The following NRXN3 variants were observed in gnomAD, a reference collection of about 807,000 sequenced individuals.
NRXN3 encodes the protein neurexin III.
A neutral mutation model predicts 137.6 loss-of-function variants in NRXN3; 32 were observed. The ratio of observed to expected loss-of-function variants is 0.23; its 90% CI spans 0.18 to 0.31. The LOEUF (loss-of-function observed/expected upper bound fraction) is 0.31, where lower values mean the gene tolerates loss of function less well. Among genes scored for constraint, NRXN3 ranks in the 10% least tolerant of loss-of-function variants. NRXN3 has a pLI of 1.00. For missense variants in NRXN3, 1,574 were observed against 2,062.5 expected, an observed-to-expected ratio of 0.76 and a Z score of 4.59; for synonymous variants, 798 against 784.5, an observed-to-expected ratio of 1.02 and a Z score of -0.29.
At chr14:79,173,462 T>G (rs1455283595) in intron 15 of NRXN3, among the ~76,000 whole-genome samples, 6 of 132,728 alleles carry the variant, frequency 4.5e-5, no homozygotes, top group Non-Finnish European at 9.2e-5. Flanking sequence ...AGCCAGGAGG[T>G]AAAGGCTACA....
At chr14:78,543,821 C>A (rs1391354095) in intron 4 of NRXN3, among the ~76,000 whole-genome samples, 3 of 152,056 alleles carry the variant, frequency 2.0e-5, no homozygotes, top group Non-Finnish European at 4.4e-5. Flanking sequence ...GTCTTGAGTG[C>A]AGGTAGCCTC....
At chr14:79,681,845 G>A (rs1446810608) in intron 17 of NRXN3, among the ~76,000 whole-genome samples, 4 of 151,870 alleles carry the variant, frequency 2.6e-5, no homozygotes, top group African/African-American at 7.3e-5. Context: ...CCCTGATTCA[G>A]GTCTCAAGCT....
intron 16 of NRXN3, among the ~76,000 whole-genome samples, chr14:79,572,385 T>C (rs984036480): frequency 2.0e-5 from 3 of 152,210 alleles, no homozygotes; most frequent in Non-Finnish European, 4.4e-5. Context: ...TCTTCAGAAC[T>C]ATAAATTACA....
chr14:79,743,777 A>G (rs1438595605), intron 19 of NRXN3, among the ~76,000 whole-genome samples: 3 of 152,168 alleles, frequency 2.0e-5, no homozygotes, highest in African/African-American at 7.2e-5. Flanking sequence ...GAGTCAAGAA[A>G]ATGATGCTAA....
chr14:79,366,980 C>CTTTTTT lies in NRXN3; in HGVS notation c.3263-100226_3263-100221dup, dbSNP rs71131695. On this transcript the variant is annotated intron_variant, in intron 15 of 20. Transcript: ENST00000335750. ...AGAATTAAAAACTCAGTCCCTTAGT[C>CTTTTTT]TTTTTTTTTTTTTTTTTTTTGGAGA... Among the ~76,000 whole-genome samples the CTTTTTT allele has an allele frequency of 3.5e-5, 4 of 113,204 alleles. 1 individual carries two copies. The highest frequency in any genetic ancestry group is 1.0e-4 in the Admixed American group (1 of 9,570). The allele number at this position is 113,204 out of a possible 152,430, so 74.3% of individuals were successfully genotyped here.
chr14:79,063,470 G>T (rs1381957142), intron 15 of NRXN3, among the ~76,000 whole-genome samples: 4 of 152,054 alleles, frequency 2.6e-5, no homozygotes, highest in African/African-American at 9.7e-5. Flanking sequence ...TTTTAGTAGA[G>T]ATGAGGTTTC....
intron 15 of NRXN3, among the ~76,000 whole-genome samples, chr14:79,234,881 A>T (rs1275105445): frequency 6.6e-6 from 1 of 152,136 alleles, no homozygotes; most frequent in Non-Finnish European, 1.5e-5. Context: ...ATACTACACT[A>T]GGAAAAAAAA....
At chr14:79,162,848 C>G (rs1405444820) in intron 15 of NRXN3, among the ~76,000 whole-genome samples, 3 of 151,866 alleles carry the variant, frequency 2.0e-5, no homozygotes, top group Admixed American at 6.6e-5. Context: ...CATTTCCTCC[C>G]CTTTCCATCA....
At chr14:78,179,103 G>A (rs919014324) in intron 1 of NRXN3, among the ~76,000 whole-genome samples, 3 of 152,098 alleles carry the variant, frequency 2.0e-5, no homozygotes, top group Non-Finnish European at 4.4e-5. Flanking sequence ...TGGTGGAGGC[G>A]GGATGTTCAG....
intron 8 of NRXN3, among the ~76,000 whole-genome samples, chr14:78,794,539 A>G (rs930635589): frequency 1.3e-5 from 2 of 152,074 alleles, no homozygotes; most frequent in African/African-American, 2.4e-5. Context: ...ACTTTGTGTA[A>G]TATTAAAGTT....
chr14:79,567,618 A>T (rs751861594), intron 16 of NRXN3, among the ~76,000 whole-genome samples: 13 of 152,122 alleles, frequency 8.5e-5, no homozygotes, highest in Non-Finnish European at 1.6e-4. Flanking sequence ...TGACTGTTGG[A>T]ACATCTGCTG....
chr14:78,912,357 C>G (rs910264471), intron 10 of NRXN3, among the ~76,000 whole-genome samples: 1 of 150,970 alleles, frequency 6.6e-6, no homozygotes, highest in Admixed American at 6.6e-5. Flanking sequence ...AATAGAGAAG[C>G]AATCAGTTCT....
chr14:78,212,943 G>T (rs1278708661), intron 1 of NRXN3, among the ~76,000 whole-genome samples: 1 of 152,150 alleles, frequency 6.6e-6, no homozygotes, highest in Non-Finnish European at 1.5e-5. Flanking sequence ...TGGTTTGGGG[G>T]TCTCCAGGGC....
intron 10 of NRXN3, among the ~76,000 whole-genome samples, chr14:78,946,067 C>A (rs1361707150): frequency 6.6e-6 from 1 of 152,144 alleles, no homozygotes; most frequent in Non-Finnish European, 1.5e-5. Context: ...CAAATATTGT[C>A]AAAAATAATG....
intron 4 of NRXN3, among the ~76,000 whole-genome samples, chr14:78,562,868 C>A (rs1180201901): frequency 6.6e-6 from 1 of 152,194 alleles, no homozygotes; most frequent in Non-Finnish European, 1.5e-5. Flanking sequence ...TTTTGTCTAA[C>A]AAAGAGTGTA....
At chr14:79,652,494 C>A (rs1220742809) in intron 16 of NRXN3, among the ~76,000 whole-genome samples, 1 of 152,104 alleles carries the variant, frequency 6.6e-6, no homozygotes, top group Non-Finnish European at 1.5e-5. Context: ...GTTCCAGGGA[C>A]ATTTCTATTT....
chr14:78,518,261 A>C (rs528919517), intron 4 of NRXN3, among the ~76,000 whole-genome samples: 2 of 152,264 alleles, frequency 1.3e-5, no homozygotes, highest in East Asian at 3.9e-4. Context: ...GGCTGTGGTA[A>C]GTCAGAAAAG....
chr14:79,036,665 T>C (rs1450288943), intron 15 of NRXN3, among the ~76,000 whole-genome samples: 2 of 147,142 alleles, frequency 1.4e-5, no homozygotes, highest in Non-Finnish European at 3.0e-5. Flanking sequence ...GACAGATAAA[T>C]TGGTAGCAGA....
chr14:78,446,972 T>C (rs932248594), intron 4 of NRXN3, among the ~76,000 whole-genome samples: 1 of 152,198 alleles, frequency 6.6e-6, no homozygotes, highest in Admixed American at 6.5e-5. Context: ...ATTTAAAGAA[T>C]GGTGTTGGGC....
Sources: allele counts gnomAD v4.1 joint callset (sites outside exome capture counted in the v4.1 genomes callset), GRCh38; gene constraint gnomAD v4.1.1; transcripts MANE v1.5; gene names NCBI Gene and HGNC (gene_info 2026-07-23, HGNC 2026-07-21).